Variants in RNF144A observed in about 807,000 individuals in gnomAD.
The protein encoded by RNF144A is ring finger protein 144A.
RNF144A carries 11 observed loss-of-function variants against 38.7 expected under a neutral mutation model. The observed-to-expected ratio is 0.28, with a 90% CI of 0.18 to 0.47. RNF144A has a LOEUF of 0.47. RNF144A is among the 20% of genes least tolerant of loss of function. The probability of loss-of-function intolerance (pLI) is 0.99; values close to 1 mark genes in which losing one functional copy is unlikely to be tolerated. For missense variants in RNF144A, 316 were observed against 377.2 expected (o/e 0.84, Z 1.34); for synonymous variants, 149 against 143.9 (o/e 1.04, Z -0.25).
chr2:7,039,753 C>T lies in RNF144A; in HGVS notation c.872C>T (p.Pro291Leu). 6.2e-7 allele frequency: 1 copy of T among 1,613,348 alleles called. No individual in the cohort carries two copies. The highest frequency in any genetic ancestry group is 8.5e-7 in the Non-Finnish European group (1 of 1,179,908). Residue 291 changes from proline to leucine, a missense_variant, in exon 9 of 9, where the codon CCC becomes CTC. By Grantham distance (98) the Pro-to-Leu change is moderately conservative. Transcript: ENST00000320892. Reference protein sequence around the residue: ...KCSKGDDDPLPT With the variant: ...KCSKGDDDPLLT ...AGTAAAGGTGACGACGACCCGTTACCCACCTAGAGGAAGCGCGATGCTGGA... is the reference window on the plus strand; with the variant it reads ...AGTAAAGGTGACGACGACCCGTTACTCACCTAGAGGAAGCGCGATGCTGGA...
chr2:6,919,917 G>A (rs1373255619), intron 1 of RNF144A, among the ~76,000 whole-genome samples: 3 of 152,226 alleles, frequency 2.0e-5, no homozygotes, highest in African/African-American at 7.2e-5. Context: ...AAAGAGCATT[G>A]TAAAATGCAT....
chr2:7,020,868 A>C, intron 6 of RNF144A, 188 bp downstream of exon 6: 1 of 603,218 alleles, frequency 1.7e-6, no homozygotes, highest in Non-Finnish European at 2.9e-6. Flanking sequence ...TTGAGAACTG[A>C]CTATGTACCA....
In RNF144A at chr2:7,040,366, G is replaced by A; in HGVS notation, c.*606G>A. On this transcript the variant is annotated 3_prime_UTR_variant, in exon 9 of 9. Coordinates refer to ENST00000320892, the MANE Select transcript of RNF144A (RefSeq NM_014746.6). ...GTTAAACGACTTTTCAGGAGATTTA[G>A]AAAGCCTTATGCACTCTTTGTGTTT... 1 of 985,532 alleles carries A rather than the reference G, an allele frequency of 1.0e-6. No homozygotes were observed. The highest frequency in any genetic ancestry group is 1.2e-6 in the Non-Finnish European group (1 of 830,012). 61.0% of individuals were successfully genotyped at this position (985,532 alleles called of 1,614,324 possible). A position where few individuals can be genotyped will look rare whatever the true frequency, so the allele number is the denominator to read the frequency against.
At chr2:6,919,663 T>G (rs557036918) in intron 1 of RNF144A, among the ~76,000 whole-genome samples, 1 of 152,316 alleles carries the variant, frequency 6.6e-6, no homozygotes, top group South Asian at 2.1e-4. Context: ...GGCTTCCACC[T>G]GCATCAGGCA....
intron 2 of RNF144A, among the ~76,000 whole-genome samples, chr2:6,967,975 T>C (rs985826799): frequency 6.6e-6 from 1 of 152,256 alleles, no homozygotes; most frequent in East Asian, 1.9e-4. Context: ...GAACAGTGTT[T>C]TTTTTCAGAA....
At chr2:6,968,077 G>A (rs1055873392) in intron 2 of RNF144A, among the ~76,000 whole-genome samples, 14 of 152,280 alleles carry the variant, frequency 9.2e-5, no homozygotes, top group Admixed American at 3.3e-4. Context: ...GGGATTTGGC[G>A]TCAATTGCTT....
chr2:7,059,472 T>C (rs1035871463), intron 6 of RNF144A, among the ~76,000 whole-genome samples: 13 of 152,158 alleles, frequency 8.5e-5, no homozygotes, highest in African/African-American at 3.1e-4. Context: ...ACTTCCTGAG[T>C]CAGGCAGCAA....
intron 2 of RNF144A, among the ~76,000 whole-genome samples, chr2:6,949,233 A>G (rs1418348157): frequency 1.3e-5 from 2 of 152,202 alleles, no homozygotes; most frequent in African/African-American, 4.8e-5. Context: ...ACATTTCTTC[A>G]CTATGTGAGT....
intron 1 of RNF144A, among the ~76,000 whole-genome samples, chr2:6,921,301 G>T (rs1239219810): frequency 6.6e-6 from 1 of 152,214 alleles, no homozygotes; most frequent in African/African-American, 2.4e-5. Context: ...TAAGCTGGAT[G>T]CAGTGTTCCA....
Position 7,037,203 on chromosome 2 carries a change from G to C in RNF144A, c.748-2426G>C, listed in dbSNP as rs1202576517. On this transcript the variant is annotated intron_variant, in intron 8 of 8. Coordinates refer to ENST00000320892, the MANE Select transcript of RNF144A (RefSeq NM_014746.6). ...TTTTTTACTGCTGGCTGCGTAACTG[G>C]CAGTACCTGCATCTGCCTGTCACCA... 3.3e-5 allele frequency among the ~76,000 whole-genome samples: 5 copies of C among 152,158 alleles called. No individual in the cohort carries two copies. In the East Asian group the frequency reaches 9.6e-4, roughly 29 times the overall value.
intron 6 of RNF144A, among the ~76,000 whole-genome samples, chr2:7,022,327 CT>C (rs1471677116): frequency 6.6e-6 from 1 of 152,244 alleles, no homozygotes; most frequent in Admixed American, 6.5e-5. Context: ...CTGCGCACCT[CT>C]TCAAGCTGCT....
downstream of RNF144A, among the ~76,000 whole-genome samples, chr2:7,070,173 T>C (rs1572508018): frequency 6.6e-6 from 1 of 152,332 alleles, no homozygotes; most frequent in South Asian, 2.1e-4. Context: ...TCTCTCTTTA[T>C]TTTTTAATCT....
intron 5 of RNF144A, among the ~76,000 whole-genome samples, chr2:7,018,382 A>G (rs960801801): frequency 6.6e-6 from 1 of 152,202 alleles, no homozygotes; most frequent in African/African-American, 2.4e-5. Context: ...AGCTGGGCTC[A>G]CCCCACAGCA....
chr2:6,955,158 G>A (rs1297345920), intron 2 of RNF144A, among the ~76,000 whole-genome samples: 2 of 152,212 alleles, frequency 1.3e-5, no homozygotes, highest in East Asian at 3.9e-4. Context: ...ACTGTTGTGT[G>A]CAAATATGAA....
intron 1 of RNF144A, among the ~76,000 whole-genome samples, chr2:6,928,596 C>T (rs1049559887): frequency 2.0e-5 from 3 of 152,250 alleles, no homozygotes; most frequent in Non-Finnish European, 2.9e-5. Flanking sequence ...CTGTCCTCCA[C>T]TGGCCTCCTG....
intron 6 of RNF144A, among the ~76,000 whole-genome samples, chr2:7,050,308 C>T (rs181699801): frequency 1.6e-4 from 25 of 152,284 alleles, no homozygotes; most frequent in African/African-American, 5.8e-4. Context: ...ATGGGAGTTC[C>T]CCTACGCAAG....
intron 3 of RNF144A, among the ~76,000 whole-genome samples, chr2:7,010,985 C>G (rs879415568): frequency 2.0e-5 from 3 of 152,162 alleles, no homozygotes; most frequent in Non-Finnish European, 2.9e-5. Context: ...GCATTTGCAG[C>G]AGCATGAACA....
chr2:6,940,115 A>C (rs1424880649), intron 1 of RNF144A, among the ~76,000 whole-genome samples: 2 of 152,166 alleles, frequency 1.3e-5, no homozygotes, highest in African/African-American at 4.8e-5. Context: ...TTTAATAGCA[A>C]TTACATGTAA....
In RNF144A at chr2:6,994,340, A is replaced by G. The variant is rs1415609450; in HGVS notation, c.-11-2576A>G. Among the ~76,000 whole-genome samples the G allele has an allele frequency of 3.3e-5, 5 of 152,298 alleles. No homozygotes were observed. In the East Asian group the frequency reaches 9.6e-4, roughly 29 times the overall value. ...TTGTGATCCAATTTAGGGCCAGCTA[A>G]CATTTTAAAATATAATTATCATGTT... is the stretch of plus-strand genomic sequence containing the variant. On this transcript the variant is annotated intron_variant, in intron 2 of 8. Transcript: ENST00000320892.
Sources: allele counts gnomAD v4.1 joint callset (sites outside exome capture counted in the v4.1 genomes callset), GRCh38; gene constraint gnomAD v4.1.1; transcripts MANE v1.5; gene names NCBI Gene and HGNC (gene_info 2026-07-23, HGNC 2026-07-21).